Variants in ATF7IP observed in about 807,000 individuals in gnomAD.
ATF7IP encodes activating transcription factor 7 interacting protein, also known as activating transcription factor 7-interacting protein 1.
A neutral mutation model predicts 106.4 loss-of-function variants in ATF7IP; 23 were observed. The observed-to-expected ratio is 0.22, with a 90% CI of 0.16 to 0.31. The LOEUF (loss-of-function observed/expected upper bound fraction) is 0.31. Among genes scored for constraint, ATF7IP ranks in the 10% least tolerant of loss-of-function variants. The pLI, the probability that ATF7IP is intolerant of heterozygous loss-of-function variation, is 1.00. For missense variants in ATF7IP, 1,334 were observed against 1,524.3 expected (o/e 0.88, Z 2.08); for synonymous variants, 542 against 539.0 (o/e 1.01, Z -0.08).
At chr12:14,476,048 CAG>C (rs753583557) in intron 11 of ATF7IP, 80 bp downstream of exon 11, 12 of 1,000,964 alleles carry the variant, frequency 1.2e-5, no homozygotes, top group Non-Finnish European at 1.9e-5. Context: ...TCTACAAAGA[CAG>C]ATGTTTATGG....
chr12:14,403,550 G>A lies in ATF7IP; in HGVS notation c.-7-20359G>A, dbSNP rs572569994. Among the ~76,000 whole-genome samples the A allele has an allele frequency of 4.2e-4, 64 of 152,196 alleles. No individual in the cohort carries two copies. In the East Asian group the frequency reaches 7.3e-3, roughly 17 times the overall value. On this transcript the variant is annotated intron_variant, in intron 1 of 14. Coordinates refer to ENST00000261168, the MANE Select transcript of ATF7IP (RefSeq NM_018179.5). ...GCTGTTAACAGTGAGGTGGCTGATC[G>A]AATTTTTTTCTGTTTACCAGTCAAA... is the stretch of plus-strand genomic sequence containing the variant.
In ATF7IP at chr12:14,448,329, T is replaced by A. The variant is rs1943066102; in HGVS notation, c.1995+1276T>A. On this transcript the variant is annotated intron_variant, in intron 6 of 14. Coordinates refer to ENST00000261168, the MANE Select transcript of ATF7IP (RefSeq NM_018179.5). ...AAAGTGAAGAAATTGACAATTTTGT[T>A]TACAAAGTAGTTTACAGACTTAACA... Among the ~76,000 whole-genome samples the A allele has an allele frequency of 2.6e-5, 4 of 152,184 alleles. No homozygotes were observed. In the South Asian group the frequency reaches 8.3e-4, roughly 31 times the overall value.
chr12:14,464,679 A>G (rs1293938403), intron 9 of ATF7IP, among the ~76,000 whole-genome samples: 1 of 152,202 alleles, frequency 6.6e-6, no homozygotes, highest in South Asian at 2.1e-4. Flanking sequence ...CAATGGAACT[A>G]TAAGATGTTA....
chr12:14,399,184 A>G (rs1477818878), intron 1 of ATF7IP, among the ~76,000 whole-genome samples: 1 of 151,646 alleles, frequency 6.6e-6, no homozygotes. Flanking sequence ...CTGGTCTTGT[A>G]CTTATATTTA....
intron 10 of ATF7IP, 54 bp from the exon 11 acceptor site, chr12:14,475,836 A>T (rs1944244088): frequency 7.0e-7 from 1 of 1,428,958 alleles, no homozygotes; most frequent in African/African-American, 1.4e-5. Flanking sequence ...TCATTTTTTA[A>T]CACGTATATC....
chr12:14,451,599 CCTT>C (rs929966728), intron 6 of ATF7IP, among the ~76,000 whole-genome samples: 1 of 150,314 alleles, frequency 6.7e-6, no homozygotes, highest in Non-Finnish European at 1.5e-5. Flanking sequence ...TTGTAATTTA[CCTT>C]CTTCTTTGAC....
intron 1 of ATF7IP, chr12:14,420,088 G>A (rs562399161): frequency 1.3e-5 from 2 of 152,280 alleles, no homozygotes; most frequent in East Asian, 3.9e-4. Flanking sequence ...ACTATTTGCT[G>A]CAGGGAGGAA....
At position 14,425,265 on chromosome 12, in the gene ATF7IP, T is replaced by A. The variant is rs761750731; in HGVS notation, c.1350T>A (p.Thr450=). ...TTGCACCTTCTGAGGATGAACTTAC[T>A]TGCTTTTCTAAAACATCTCTCCTTC... is the stretch of plus-strand genomic sequence containing the variant. The part of the protein sequence containing the change: ...EKLAPSEDEL[T]CFSKTSLLPI... Residue 450 remains threonine (T), a synonymous_variant, in exon 2 of 15, where the codon ACT becomes ACA. Coordinates refer to ENST00000261168, the MANE Select transcript of ATF7IP (RefSeq NM_018179.5). The A allele has an allele frequency of 3.1e-6, 5 of 1,598,388 alleles. No individual in the cohort carries two copies. The highest frequency in any genetic ancestry group is 4.3e-6 in the Non-Finnish European group (5 of 1,174,422).
rs1246935423 is a variant in ATF7IP at position 14,500,910 on chromosome 12, G to A, written c.*2837G>A. On this transcript the variant is annotated 3_prime_UTR_variant, in exon 15 of 15. Transcript: ENST00000261168. ...CTACTTAAAATGTTTTATTCCAGTT[G>A]GAAGGAAGGTACAGGGAGAAATCGC... 1.3e-5 allele frequency: 2 copies of A among 152,110 alleles called. No homozygotes were observed. The highest frequency in any genetic ancestry group is 2.9e-5 in the Non-Finnish European group (2 of 68,008). 9.4% of individuals were successfully genotyped at this position (152,110 alleles called of 1,614,324 possible).
chr12:14,438,369 C>G (rs942281717), intron 5 of ATF7IP, 102 bp downstream of exon 5: 4 of 1,109,606 alleles, frequency 3.6e-6, no homozygotes, highest in Middle Eastern at 3.1e-4. Context: ...CATTTAAATT[C>G]TAAATGTAAG....
At chr12:14,476,467 A>G (rs569549623) in intron 11 of ATF7IP, 1 of 151,414 alleles carries the variant, frequency 6.6e-6, no homozygotes, top group South Asian at 2.1e-4. Context: ...GAGTATGAAC[A>G]ATGTGTAGAG....
intron 7 of ATF7IP, 36 bp from the exon 8 acceptor site, chr12:14,457,171 A>G (rs748996873): frequency 6.6e-6 from 10 of 1,522,728 alleles, no homozygotes; most frequent in Admixed American, 1.7e-5. Context: ...TGAGTGGCAT[A>G]TCTATTGACT....
At chr12:14,453,784 T>C (rs1321524341) in intron 6 of ATF7IP, among the ~76,000 whole-genome samples, 1 of 151,890 alleles carries the variant, frequency 6.6e-6, no homozygotes, top group Non-Finnish European at 1.5e-5. Context: ...ACCATCACGC[T>C]CGGCTAATTT....
At chr12:14,426,973 C>T (rs73304288) in intron 2 of ATF7IP, among the ~76,000 whole-genome samples, 310 of 151,836 alleles carry the variant, frequency 2.0e-3, no homozygotes, top group African/African-American at 6.8e-3. Context: ...AGAATTAAAT[C>T]ATAGGCCATT....
At position 14,425,261 on chromosome 12, in the gene ATF7IP, T is replaced by TTAC. The variant is rs1401970099; in HGVS notation, c.1348_1350dup (p.Thr450dup). 6.3e-7 allele frequency: 1 copy of TTAC among 1,598,526 alleles called. No homozygotes were observed. Among genetic ancestry groups the TTAC allele is most frequent in the South Asian group, 1.1e-5 (1 of 88,046 alleles). On this transcript the variant is annotated inframe_insertion, in exon 2 of 15. Transcript: ENST00000261168. ...AAGCTTGCACCTTCTGAGGATGAAC[T>TTAC]TACTTGCTTTTCTAAAACATCTCTC...
intron 1 of ATF7IP, among the ~76,000 whole-genome samples, chr12:14,417,526 A>G (rs1329751307): frequency 6.6e-6 from 1 of 152,080 alleles, no homozygotes; most frequent in African/African-American, 2.4e-5. Flanking sequence ...TGTATGGTCT[A>G]TGGAATTTTT....
intron 1 of ATF7IP, among the ~76,000 whole-genome samples, chr12:14,388,066 T>G (rs1591772031): frequency 6.8e-6 from 1 of 147,446 alleles, no homozygotes; most frequent in African/African-American, 2.5e-5. Context: ...CAGGCTGGAG[T>G]GCGATGATGC....
chr12:14,474,220 A>C (rs1944168498), intron 10 of ATF7IP, among the ~76,000 whole-genome samples: 1 of 151,294 alleles, frequency 6.6e-6, no homozygotes, highest in Admixed American at 6.6e-5. Flanking sequence ...ATTTCTATTG[A>C]TCTAGCATCA....
intron 8 of ATF7IP, among the ~76,000 whole-genome samples, chr12:14,457,949 C>G (rs1288950989): frequency 6.6e-6 from 1 of 151,798 alleles, no homozygotes; most frequent in African/African-American, 2.4e-5. Context: ...CAAAAATTAT[C>G]CAGGCATGAT....
Sources: gnomAD v4.1 joint callset for allele counts (sites outside exome capture counted in the v4.1 genomes callset) on GRCh38, gnomAD v4.1.1 for gene constraint, MANE v1.5 for transcripts, NCBI Gene and HGNC (gene_info 2026-07-23, HGNC 2026-07-21) for gene names.